Variants in NUDCD1 observed in about 807,000 individuals in gnomAD.
NUDCD1 encodes nudC domain-containing protein 1.
In NUDCD1, 60 loss-of-function variants were observed where a neutral mutation model predicts 67.8. That is an observed-to-expected ratio of 0.88 (90% CI 0.72 to 1.10). NUDCD1 has a LOEUF of 1.10. NUDCD1 is among the 50% of genes least tolerant of loss of function. The pLI, the probability that NUDCD1 is intolerant of heterozygous loss-of-function variation, is 0.00. For synonymous variants in NUDCD1, 244 were observed against 230.8 expected, an observed-to-expected ratio of 1.06 and a Z score of -0.52; for missense variants, 643 against 695.0, an observed-to-expected ratio of 0.93 and a Z score of 0.84.
chr8:109,308,511 A>G (rs1815163731), intron 2 of NUDCD1, among the ~76,000 whole-genome samples: 1 of 152,212 alleles, frequency 6.6e-6, no homozygotes, highest in Non-Finnish European at 1.5e-5. Flanking sequence ...AAACAAACAA[A>G]AAAATACAAA....
rs1439280026 is a variant in NUDCD1, at chr8:109,322,466, G to A, written c.119-3C>T. 1.9e-6 allele frequency: 3 copies of A among 1,575,540 alleles called. No homozygotes were observed. The highest frequency in any genetic ancestry group is 2.6e-6 in the Non-Finnish European group (3 of 1,152,950). ...TCGAAGTTTTACCTCTGCCACAGCT[G>A]AAATACAAGAAAAGCAAACATAAAC... On this transcript the variant is annotated splice_polypyrimidine_tract_variant and splice_region_variant and intron_variant, in intron 1 of 9. Coordinates refer to ENST00000239690, the MANE Select transcript of NUDCD1 (RefSeq NM_032869.4).
chr8:109,280,955 T>A lies in NUDCD1; in HGVS notation c.1028+13A>T, dbSNP rs911431434. ...AGATAATAGAATATTAAAGTAAAAT[T>A]AAAAAAAAATACCTATTACTCTCTT... is the stretch of plus-strand genomic sequence containing the variant. On this transcript the variant is annotated intron_variant, in intron 6 of 9. Coordinates refer to ENST00000239690, the MANE Select transcript of NUDCD1 (RefSeq NM_032869.4). 25 of 1,282,986 alleles carry A rather than the reference T, an allele frequency of 1.9e-5. No individual in the cohort carries two copies. Among genetic ancestry groups the A allele is most frequent in the East Asian group, 1.3e-4 (5 of 39,412 alleles). 79.5% of individuals were successfully genotyped at this position (1,282,986 alleles called of 1,614,324 possible). A position where few individuals can be genotyped will look rare whatever the true frequency, so the allele number is the denominator to read the frequency against.
At chr8:109,322,109 G>A (rs1815553819) in intron 2 of NUDCD1, among the ~76,000 whole-genome samples, 200 bp downstream of exon 2, 1 of 152,086 alleles carries the variant, frequency 6.6e-6, no homozygotes, top group African/African-American at 2.4e-5. Context: ...GAGAGTGGAG[G>A]TGAGTAAGTG....
chr8:109,323,006 C>T (rs930402370), intron 1 of NUDCD1, among the ~76,000 whole-genome samples: 3 of 152,166 alleles, frequency 2.0e-5, no homozygotes, highest in Non-Finnish European at 4.4e-5. Flanking sequence ...AACAGTATCA[C>T]AGCTGGACTA....
chr8:109,270,614 T>C lies in NUDCD1; in HGVS notation c.1299+391A>G, dbSNP rs180802663. 4.6e-5 allele frequency among the ~76,000 whole-genome samples: 7 copies of C among 152,282 alleles called. No individual in the cohort carries two copies. The East Asian group carries it at 1.3e-3, about 29-fold the overall frequency. ...TTAAAAAAGTTATTACTTATTGTAATGTGTAGAACCACTACATGCAGACAT... is the reference window on the plus strand; with the variant it reads ...TTAAAAAAGTTATTACTTATTGTAACGTGTAGAACCACTACATGCAGACAT... On this transcript the variant is annotated intron_variant, in intron 8 of 9. Coordinates refer to ENST00000239690, the MANE Select transcript of NUDCD1 (RefSeq NM_032869.4).
intron 1 of NUDCD1, among the ~76,000 whole-genome samples, chr8:109,333,203 T>C (rs1001658444): frequency 6.6e-6 from 1 of 152,198 alleles, no homozygotes; most frequent in African/African-American, 2.4e-5. Flanking sequence ...TCTGAAAACA[T>C]GCATCAGAAT....
rs1255942505 is a variant in NUDCD1, at chr8:109,241,303, T to G, written c.*1706A>C. The G allele has an allele frequency of 6.6e-6, 1 of 152,140 alleles. No individual in the cohort carries two copies. Among genetic ancestry groups the G allele is most frequent in the Non-Finnish European group, 1.5e-5 (1 of 68,028 alleles). 9.4% of individuals were successfully genotyped at this position (152,140 alleles called of 1,614,324 possible). On this transcript the variant is annotated 3_prime_UTR_variant, in exon 10 of 10. Coordinates refer to ENST00000239690, the MANE Select transcript of NUDCD1 (RefSeq NM_032869.4). ...TCATGGTTAATTAAGCACCACATTTTTATTATACATTTTTCTTATGTTCCC... is the reference window on the plus strand; with the variant it reads ...TCATGGTTAATTAAGCACCACATTTGTATTATACATTTTTCTTATGTTCCC...
At chr8:109,318,536 T>C (rs1253646152) in intron 2 of NUDCD1, among the ~76,000 whole-genome samples, 1 of 152,178 alleles carries the variant, frequency 6.6e-6, no homozygotes, top group Non-Finnish European at 1.5e-5. Flanking sequence ...TTATACACAT[T>C]GGGCCTAGAT....
intron 1 of NUDCD1, among the ~76,000 whole-genome samples, chr8:109,324,442 A>G (rs577186505): frequency 6.6e-6 from 1 of 152,236 alleles, no homozygotes; most frequent in Admixed American, 6.5e-5. Context: ...AAAAGGGAAC[A>G]TATAATCTGT....
chr8:109,331,138 C>T (rs575583506), intron 1 of NUDCD1, among the ~76,000 whole-genome samples: 212 of 152,070 alleles, frequency 1.4e-3, no homozygotes, highest in African/African-American at 5.0e-3. Context: ...GTCAGGAGTT[C>T]AAGACCAGCT....
chr8:109,246,631 AAT>A (rs1211427050), intron 8 of NUDCD1, among the ~76,000 whole-genome samples: 1 of 152,254 alleles, frequency 6.6e-6, no homozygotes, highest in Non-Finnish European at 1.5e-5. Flanking sequence ...CATCTACAGC[AAT>A]ACTTTTTCTA....
chr8:109,262,953 G>A (rs1008364433), intron 8 of NUDCD1, among the ~76,000 whole-genome samples: 1 of 149,626 alleles, frequency 6.7e-6, no homozygotes, highest in East Asian at 2.0e-4. Context: ...TACTCAGGAG[G>A]CTGAGGCAGG....
chr8:109,246,811 G>T (rs1813507445), intron 8 of NUDCD1, among the ~76,000 whole-genome samples: 1 of 152,142 alleles, frequency 6.6e-6, no homozygotes, highest in Non-Finnish European at 1.5e-5. Context: ...GCAGACTGGA[G>T]AACCGTAAAA....
At chr8:109,249,004 A>T (rs541362306) in intron 8 of NUDCD1, among the ~76,000 whole-genome samples, 10 of 152,192 alleles carry the variant, frequency 6.6e-5, no homozygotes, top group African/African-American at 2.4e-4. Context: ...GAAATTGTGT[A>T]TTGCAACTAA....
intron 2 of NUDCD1, among the ~76,000 whole-genome samples, chr8:109,311,982 A>G (rs1815264773): frequency 6.6e-6 from 1 of 152,078 alleles, no homozygotes; most frequent in South Asian, 2.1e-4. Flanking sequence ...TTAAATGGGG[A>G]AAATATTTGA....
chr8:109,245,576 C>A, intron 8 of NUDCD1, 95 bp from the exon 9 acceptor site: 1 of 904,366 alleles, frequency 1.1e-6, no homozygotes, highest in South Asian at 1.7e-5. Context: ...TAAGTGTCAG[C>A]AACTGTTTTA....
chr8:109,319,014 G>A (rs926242467), intron 2 of NUDCD1, among the ~76,000 whole-genome samples: 8 of 148,204 alleles, frequency 5.4e-5, no homozygotes, highest in African/African-American at 2.0e-4. Context: ...CTGGAGTGCA[G>A]TGGTGCGATC....
intron 8 of NUDCD1, among the ~76,000 whole-genome samples, chr8:109,269,459 A>T (rs778788039): frequency 1.4e-4 from 22 of 152,196 alleles, no homozygotes; most frequent in Non-Finnish European, 2.8e-4. Context: ...CTAGGAAGGG[A>T]TAGCGAGTGA....
intron 6 of NUDCD1, 49 bp from the exon 7 acceptor site, chr8:109,275,545 A>T: frequency 6.7e-7 from 1 of 1,490,548 alleles, no homozygotes; most frequent in Non-Finnish European, 9.3e-7. Flanking sequence ...AATTATACAA[A>T]TTATACAATC....
Sources: allele counts gnomAD v4.1 joint callset (sites outside exome capture counted in the v4.1 genomes callset), GRCh38; gene constraint gnomAD v4.1.1; transcripts MANE v1.5; gene names NCBI Gene and HGNC (gene_info 2026-07-23, HGNC 2026-07-21).